The following SETD9 variants were observed in gnomAD, a reference collection of about 807,000 sequenced individuals.
SETD9 encodes the protein SET domain containing 9, also known as SET domain-containing protein 9.
A neutral mutation model predicts 36.4 loss-of-function variants in SETD9; 37 were observed. That is an observed-to-expected ratio of 1.02 (90% confidence interval 0.78 to 1.34). The LOEUF (loss-of-function observed/expected upper bound fraction) is 1.34. SETD9 is among the 40% of genes most tolerant of loss of function. The probability of loss-of-function intolerance (pLI) is 0.00; values close to 1 mark genes in which losing one functional copy is unlikely to be tolerated. For synonymous variants in SETD9, 128 were observed against 132.9 expected (o/e 0.96, Z 0.26); for missense variants, 323 against 353.2 (o/e 0.91, Z 0.69).
In SETD9 at chr5:56,909,766, C is replaced by T. The variant is rs543006167; in HGVS notation, c.98+23C>T. The T allele has an allele frequency of 1.1e-5, 17 of 1,595,538 alleles. No individual in the cohort carries two copies. In the East Asian group the frequency reaches 2.5e-4, roughly 24 times the overall value. Reference sequence around the variant, plus strand: ...GAGGTGAGAGGGCGGGACGGCAGAACGAGGGGCACCTGCCTTCGGTTCCCA... The same window carrying T: ...GAGGTGAGAGGGCGGGACGGCAGAATGAGGGGCACCTGCCTTCGGTTCCCA... On this transcript the variant is annotated intron_variant, in intron 1 of 5. Coordinates refer to ENST00000285947, the MANE Select transcript of SETD9 (RefSeq NM_153706.4).
intron 2 of SETD9, chr5:56,912,361 T>C (rs1164028125): frequency 3.6e-6 from 2 of 558,590 alleles, no homozygotes; most frequent in Non-Finnish European, 4.5e-6. Flanking sequence ...AAAGTGTGTG[T>C]GTGAATATTT....
chr5:56,913,252 C>T (rs557186987), intron 3 of SETD9, 118 bp downstream of exon 3: 2 of 1,219,490 alleles, frequency 1.6e-6, no homozygotes, highest in South Asian at 1.6e-5. Context: ...TGGGGTCTTG[C>T]TATGTTGTCC....
chr5:56,918,724 A>G (rs1205193795), downstream of SETD9, among the ~76,000 whole-genome samples: 1 of 152,216 alleles, frequency 6.6e-6, no homozygotes, highest in Non-Finnish European at 1.5e-5. Context: ...AAGTAACCAA[A>G]GCAGAGGAGT....
Position 56,917,031 on chromosome 5 carries a change from T to C in SETD9, c.*129T>C, listed in dbSNP as rs575939329. ...ACTTAATTGGAATAGGAATTTCTTA[T>C]GTTTTTGTTGATATTATATTTATGT... On this transcript the variant is annotated 3_prime_UTR_variant, in exon 6 of 6. Coordinates refer to ENST00000285947, the MANE Select transcript of SETD9 (RefSeq NM_153706.4). 7.3e-5 allele frequency: 99 copies of C among 1,349,650 alleles called. 1 individual carries two copies. The South Asian group carries it at 1.8e-3, about 25-fold the overall frequency. 83.6% of individuals were successfully genotyped at this position (1,349,650 alleles called of 1,614,324 possible).
At chr5:56,916,131 T>C (rs762271918) in intron 5 of SETD9, among the ~76,000 whole-genome samples, 2 of 151,652 alleles carry the variant, frequency 1.3e-5, no homozygotes, top group Non-Finnish European at 2.9e-5. Context: ...CGGTGGCTCA[T>C]GCCTGTAATC....
At chr5:56,912,497 ATAAAT>A (rs1749190884) in intron 2 of SETD9, among the ~76,000 whole-genome samples, 1 of 152,206 alleles carries the variant, frequency 6.6e-6, no homozygotes, top group Non-Finnish European at 1.5e-5. Flanking sequence ...AATAGAATAA[ATAAAT>A]TAATACTAAA....
At chr5:56,923,284 A>G (rs755122690) in intron 5 of SETD9, 2 of 1,614,136 alleles carry the variant, frequency 1.2e-6, no homozygotes, top group South Asian at 2.2e-5. Context: ...CACCCAGGTT[A>G]TTTACAGAAA....
At chr5:56,923,837 A>G in intron 5 of SETD9, 1 of 1,614,138 alleles carries the variant, frequency 6.2e-7, no homozygotes, top group Admixed American at 1.7e-5. Flanking sequence ...ATAGTCCCTG[A>G]AAAACACACC....
chr5:56,913,279 C>T, intron 3 of SETD9, 145 bp downstream of exon 3: 1 of 962,906 alleles, frequency 1.0e-6, no homozygotes, highest in Non-Finnish European at 1.4e-6. Context: ...GTTTTGAACT[C>T]CTGGCCTCAA....
In SETD9 at chr5:56,916,974, C is replaced by G. The variant is rs1366052799; in HGVS notation, c.*72C>G. 6.7e-7 allele frequency: 1 copy of G among 1,488,432 alleles called. No individual in the cohort carries two copies. 92.2% of individuals were successfully genotyped at this position (1,488,432 alleles called of 1,614,324 possible). A position where few individuals can be genotyped will look rare whatever the true frequency, so the allele number is the denominator to read the frequency against. On this transcript the variant is annotated 3_prime_UTR_variant, in exon 6 of 6. Transcript: ENST00000285947. ...TAAGTGTTTTTTGTTAATCACTTCT[C>G]TGAGTTCTACCTGTAAAACAAATAT...
Position 56,911,473 on chromosome 5 carries a change from G to C in SETD9, c.403G>C (p.Gly135Arg). The C allele has an allele frequency of 6.2e-7, 1 of 1,606,486 alleles. No individual in the cohort carries two copies. The highest frequency in any genetic ancestry group is 8.5e-7 in the Non-Finnish European group (1 of 1,177,642). The change falls in exon 2 of 6, where the codon GGA becomes CGA. Residue 135 changes from glycine to arginine, a missense_variant. Coordinates refer to ENST00000285947, the MANE Select transcript of SETD9 (RefSeq NM_153706.4). ...AQATSSLISA[G>R]KGVFVTKGLV... The stretch of plus-strand genomic sequence containing the variant: ...AGCAACTAGCTCATTGATTTCTGCT[G>C]GAAAAGGTGTCTTCGTTACTAAAGG...
In SETD9 at chr5:56,913,984, C is replaced by T; in HGVS notation, c.701C>T (p.Ser234Phe). The part of the protein sequence containing the change: ...LAVGQYVNNC[S>F]NDRAANVCYQ... The stretch of plus-strand genomic sequence containing the variant: ...GTGGGACAGTATGTCAACAATTGTT[C>T]CAATGGTAAGAAGGCATCATGGGGC... The change falls in exon 4 of 6, where the codon TCC (serine) becomes TTC (phenylalanine). Residue 234 changes from serine to phenylalanine, a missense_variant. Coordinates refer to ENST00000285947, the MANE Select transcript of SETD9 (RefSeq NM_153706.4). 1 of 1,608,306 alleles carries T rather than the reference C, an allele frequency of 6.2e-7. No individual in the cohort carries two copies. The highest frequency in any genetic ancestry group is 8.5e-7 in the Non-Finnish European group (1 of 1,174,878).
At chr5:56,913,224 ATTTTT>A in intron 3 of SETD9, 90 bp downstream of exon 3, 4 of 1,297,096 alleles carry the variant, frequency 3.1e-6, no homozygotes, top group Non-Finnish European at 3.1e-6. Flanking sequence ...TACTTTATTT[ATTTTT>A]TATATAAAGA....
At chr5:56,910,977 T>A in intron 1 of SETD9, 192 bp from the exon 2 acceptor site, 1 of 479,758 alleles carries the variant, frequency 2.1e-6, no homozygotes, top group South Asian at 3.8e-5. Context: ...TACTGACTAC[T>A]TGGGTGGGAA....
At chr5:56,912,308 T>C (rs1749179997) in intron 2 of SETD9, 2 of 809,938 alleles carry the variant, frequency 2.5e-6, no homozygotes, top group Non-Finnish European at 1.5e-6. Context: ...CTAAATAGAC[T>C]ACGTTATGTG....
chr5:56,922,798 G>C (rs983732715), intron 5 of SETD9: 8 of 270,982 alleles, frequency 3.0e-5, no homozygotes, highest in Admixed American at 9.6e-5. Flanking sequence ...TTTTAAAATT[G>C]GGAGTGAGGG....
At chr5:56,912,715 ATATG>A (rs1420245999) in intron 2 of SETD9, among the ~76,000 whole-genome samples, 1 of 152,120 alleles carries the variant, frequency 6.6e-6, no homozygotes, top group Non-Finnish European at 1.5e-5. Flanking sequence ...ACTTAAATAT[ATATG>A]TGTGTGTGTA....
intron 2 of SETD9, 77 bp from the exon 3 acceptor site, chr5:56,912,934 T>A: frequency 6.9e-7 from 1 of 1,441,088 alleles, no homozygotes; most frequent in Non-Finnish European, 9.6e-7. Flanking sequence ...GTGATTATAT[T>A]CCAAAGAAGG....
chr5:56,925,124 T>TA (rs1197737804), intron 5 of SETD9, among the ~76,000 whole-genome samples: 3 of 152,216 alleles, frequency 2.0e-5, no homozygotes, highest in South Asian at 2.1e-4. Context: ...TGGTTTTTTT[T>TA]ACTTAAAAGG....
Sources: allele counts gnomAD v4.1 joint callset (sites outside exome capture counted in the v4.1 genomes callset), GRCh38; gene constraint gnomAD v4.1.1; transcripts MANE v1.5; gene names NCBI Gene and HGNC (gene_info 2026-07-23, HGNC 2026-07-21).